Variants in DENND1A observed in about 807,000 individuals in gnomAD.
DENND1A encodes the protein DENN domain-containing protein 1A.
A neutral mutation model predicts 113.7 loss-of-function variants in DENND1A; 51 were observed. That is an observed-to-expected ratio of 0.45 (90% CI 0.36 to 0.57). The LOEUF is 0.57. Among genes scored for constraint, DENND1A ranks in the 20% least tolerant of loss-of-function variants. The pLI is 0.00. For missense variants in DENND1A, 1,258 were observed against 1,395.9 expected, an observed-to-expected ratio of 0.90 and a Z score of 1.57; for synonymous variants, 565 against 570.8, an observed-to-expected ratio of 0.99 and a Z score of 0.14.
chr9:123,662,379 T>A (rs999281874), intron 8 of DENND1A, among the ~76,000 whole-genome samples: 4 of 152,146 alleles, frequency 2.6e-5, no homozygotes, highest in African/African-American at 9.7e-5. Flanking sequence ...CTGGCCAACA[T>A]GGTGAAACCC....
chr9:123,828,188 G>A (rs1839650529), intron 2 of DENND1A, among the ~76,000 whole-genome samples: 3 of 151,938 alleles, frequency 2.0e-5, no homozygotes, highest in Non-Finnish European at 4.4e-5. Flanking sequence ...ACAGGGAGGG[G>A]AAGAAAGTTT....
rs576459670 is a variant in DENND1A, at chr9:123,668,604, C to T, written c.454-1525G>A. Among the ~76,000 whole-genome samples the T allele has an allele frequency of 2.6e-5, 4 of 152,276 alleles. No individual in the cohort carries two copies. The South Asian group carries it at 6.2e-4, about 24-fold the overall frequency. ...ATGGACCAAAACTAAATCTGTGTAA[C>T]TAGAGCTGTGCTCTTTCCACCATGA... On this transcript the variant is annotated intron_variant, in intron 7 of 23. Transcript: ENST00000394215.
chr9:123,558,631 T>C (rs1398874187), intron 12 of DENND1A, among the ~76,000 whole-genome samples: 1 of 152,064 alleles, frequency 6.6e-6, no homozygotes, highest in Admixed American at 6.5e-5. Flanking sequence ...GTTGGCCAAA[T>C]GGAATAAAGA....
intron 2 of DENND1A, among the ~76,000 whole-genome samples, chr9:123,874,749 T>C (rs561366283): frequency 6.6e-6 from 1 of 152,248 alleles, no homozygotes; most frequent in African/African-American, 2.4e-5. Flanking sequence ...AACCATCAGG[T>C]TGGCAAAAGT....
intron 2 of DENND1A, among the ~76,000 whole-genome samples, chr9:123,827,183 A>C (rs762119138): frequency 5.9e-5 from 9 of 152,018 alleles, no homozygotes; most frequent in Non-Finnish European, 1.3e-4. Flanking sequence ...TGCAGTCTAT[A>C]TTACACATAT....
intron 13 of DENND1A, among the ~76,000 whole-genome samples, chr9:123,546,586 T>C (rs1409659031): frequency 3.3e-5 from 5 of 152,016 alleles, no homozygotes; most frequent in Non-Finnish European, 7.4e-5. Flanking sequence ...ATCTCTATTG[T>C]GCAACACTGA....
chr9:123,717,302 G>C (rs147906442), intron 5 of DENND1A, among the ~76,000 whole-genome samples: 297 of 152,314 alleles, frequency 1.9e-3, no homozygotes, highest in African/African-American at 7.1e-3. Context: ...TTGAAAGAAT[G>C]AATGGGGTCT....
At chr9:123,570,844 C>T (rs1268562225) in intron 12 of DENND1A, among the ~76,000 whole-genome samples, 4 of 152,124 alleles carry the variant, frequency 2.6e-5, no homozygotes, top group Non-Finnish European at 4.4e-5. Context: ...TAGAATATCT[C>T]GAGAGTCTGA....
chr9:123,823,662 G>A (rs188326277), intron 2 of DENND1A, among the ~76,000 whole-genome samples: 2 of 152,272 alleles, frequency 1.3e-5, no homozygotes, highest in Admixed American at 1.3e-4. Context: ...CTGGAATTAG[G>A]CAAAATGAAA....
At chr9:123,853,313 G>A (rs192826899) in intron 2 of DENND1A, among the ~76,000 whole-genome samples, 259 of 152,080 alleles carry the variant, frequency 1.7e-3, no homozygotes, top group Non-Finnish European at 2.0e-3. Context: ...AAGCGGGGGA[G>A]AAAATATTTC....
At position 123,816,679 on chromosome 9, in the gene DENND1A, G is replaced by A. The variant is rs149192159; in HGVS notation, c.89-24049C>T. ...TCACACTACCCTTGAGGGCCAATGA[G>A]TAAGTCATTTCAATAGTGCCTTGAA... is the stretch of plus-strand genomic sequence containing the variant. On this transcript the variant is annotated intron_variant, in intron 2 of 23. Transcript: ENST00000394215. 4.7e-4 allele frequency among the ~76,000 whole-genome samples: 72 copies of A among 152,300 alleles called. 1 individual carries two copies. Among genetic ancestry groups the A allele is most frequent in the African/African-American group, 1.6e-3 (65 of 41,566 alleles).
intron 2 of DENND1A, among the ~76,000 whole-genome samples, chr9:123,806,135 G>A (rs1220967244): frequency 6.6e-6 from 1 of 151,764 alleles, no homozygotes; most frequent in Non-Finnish European, 1.5e-5. Context: ...TGTATTTTCA[G>A]TAGAGATGGG....
chr9:123,490,338 C>G (rs1016190522), intron 13 of DENND1A, among the ~76,000 whole-genome samples: 1 of 152,190 alleles, frequency 6.6e-6, no homozygotes, highest in Non-Finnish European at 1.5e-5. Flanking sequence ...GTAATCCCAG[C>G]ACAGTCGGAG....
chr9:123,670,294 C>T (rs550124296), intron 7 of DENND1A, among the ~76,000 whole-genome samples: 14 of 152,168 alleles, frequency 9.2e-5, no homozygotes, highest in Non-Finnish European at 1.8e-4. Flanking sequence ...TTTCAGGCCC[C>T]ATGACATAAG....
intron 1 of DENND1A, among the ~76,000 whole-genome samples, chr9:123,904,081 C>T (rs928819397): frequency 2.6e-5 from 4 of 152,112 alleles, no homozygotes; most frequent in Non-Finnish European, 2.9e-5. Flanking sequence ...CCCGAGCAGC[C>T]TAACTGGGAG....
Position 123,537,346 on chromosome 9 carries a change from C to CA in DENND1A, c.993+20223dup, listed in dbSNP as rs376086021. ...AAAACAAAAGAAAACCAGAAAACTT[C>CA]AAAATTCAAAAATACAGCAAAAGGA... On this transcript the variant is annotated intron_variant, in intron 13 of 23. Coordinates refer to ENST00000394215, the MANE Select transcript of DENND1A (RefSeq NM_001352964.2). 3.2e-3 allele frequency among the ~76,000 whole-genome samples: 485 copies of CA among 151,636 alleles called. 2 individuals carry two copies. The highest frequency in any genetic ancestry group is 0.011 in the African/African-American group (459 of 41,408).
intron 19 of DENND1A, among the ~76,000 whole-genome samples, chr9:123,435,361 G>A (rs2046440967): frequency 6.6e-6 from 1 of 152,156 alleles, no homozygotes; most frequent in South Asian, 2.1e-4. Flanking sequence ...TCCATACGCA[G>A]AGACAAGCCG....
At chr9:123,925,013 C>T (rs1011263503) in intron 1 of DENND1A, among the ~76,000 whole-genome samples, 2 of 152,208 alleles carry the variant, frequency 1.3e-5, no homozygotes, top group Non-Finnish European at 2.9e-5. Flanking sequence ...AGGACAGTCG[C>T]TCCCATCATT....
At chr9:123,861,776 T>C (rs1845090375) in intron 2 of DENND1A, among the ~76,000 whole-genome samples, 1 of 152,136 alleles carries the variant, frequency 6.6e-6, no homozygotes, top group Admixed American at 6.6e-5. Flanking sequence ...AAAGAGGGGT[T>C]TTCTTGTAAA....
Sources: gnomAD v4.1 joint callset for allele counts (sites outside exome capture counted in the v4.1 genomes callset) on GRCh38, gnomAD v4.1.1 for gene constraint, MANE v1.5 for transcripts, NCBI Gene and HGNC (gene_info 2026-07-23, HGNC 2026-07-21) for gene names.